The following MTMR11 variants were observed in gnomAD, a reference collection of about 807,000 sequenced individuals.
MTMR11 encodes the protein myotubularin-related protein 11.
In MTMR11, 89 loss-of-function variants were observed where a neutral mutation model predicts 100.0. The ratio of observed to expected loss-of-function variants is 0.89; its 90% CI spans 0.75 to 1.06. The LOEUF is 1.06. Ranked by LOEUF, MTMR11 falls within the 50% of genes least tolerant of loss-of-function variation. The probability of loss-of-function intolerance (pLI) is 0.00; values close to 1 mark genes in which losing one functional copy is unlikely to be tolerated. For missense variants in MTMR11, 809 were observed against 873.7 expected, an observed-to-expected ratio of 0.93 and a Z score of 0.93; for synonymous variants, 336 against 326.3, an observed-to-expected ratio of 1.03 and a Z score of -0.32.
rs1418629546 is a variant in MTMR11 at position 149,931,999 on chromosome 1, C to T, written c.1068G>A (p.Lys356=). 5 of 1,613,700 alleles carry T rather than the reference C, an allele frequency of 3.1e-6. No homozygotes were observed. The highest frequency in any genetic ancestry group is 4.2e-6 in the Non-Finnish European group (5 of 1,179,726). The change falls in exon 12 of 17, where the codon AAG becomes AAA. Residue 356 remains lysine, a synonymous_variant. Transcript: ENST00000439741. ...TCACTAATACTGAAATGTCACTGGC[C>T]TTTCGAAGACAAGCCCTGGAGGAGC... ...WLDYVRACLR[K]ASDISVLVTS...
rs903386420 is a variant in MTMR11 at position 149,935,615 on chromosome 1, G to T, written c.233C>A (p.Thr78Asn). 2 of 1,614,128 alleles carry T rather than the reference G, an allele frequency of 1.2e-6. No homozygotes were observed. The highest frequency in any genetic ancestry group is 2.7e-5 in the African/African-American group (2 of 75,034). ...GTLICTNFRV[T>N]FQPCGWQWNQ... ...CCACTGCCATCCACAGGGCTGGAAG[G>T]TGACCCTAAAGTTGGTACAGATCAG... Residue 78 changes from threonine (T) to asparagine (N), a missense_variant, in exon 3 of 17, where the codon ACC (threonine) becomes AAC (asparagine). By Grantham distance (65) the Thr-to-Asn change is moderately conservative. Transcript: ENST00000439741.
chr1:149,930,156 C>G (rs2092639628), intron 15 of MTMR11: 1 of 681,882 alleles, frequency 1.5e-6, no homozygotes. Context: ...AGTAAACAGA[C>G]TTGAGGAAGG....
intron 2 of MTMR11, 80 bp downstream of exon 2, chr1:149,936,074 G>T (rs1004699713): frequency 2.1e-6 from 3 of 1,428,822 alleles, no homozygotes; most frequent in Non-Finnish European, 3.0e-6. Context: ...GAACACAGGG[G>T]TATCTTTGGT....
At position 149,934,199 on chromosome 1, in the gene MTMR11, T is replaced by C; in HGVS notation, c.675A>G (p.Val225=). Residue 225 remains valine (V), a synonymous_variant, in exon 7 of 17, where the codon GTA becomes GTG. Transcript: ENST00000439741. ...RVSTVNERFD[V]ATSLPRYFWV... ...GTGCACTGGGGGATCACCTGGTGGC[T>C]ACGTCGAACCTCTCGTTGACCGTGC... is the stretch of plus-strand genomic sequence containing the variant. The C allele has an allele frequency of 6.2e-7, 1 of 1,613,976 alleles. No individual in the cohort carries two copies. The highest frequency in any genetic ancestry group is 2.2e-5 in the East Asian group (1 of 44,888).
chr1:149,932,346 A>C lies in MTMR11; in HGVS notation c.986-16T>G. ...ACAGATGAATCTGATAGAGGGTAGA[A>C]AGATCAGAAGGGCAAGAGATTAGAA... On this transcript the variant is annotated splice_polypyrimidine_tract_variant and intron_variant, in intron 10 of 16. Transcript: ENST00000439741. The C allele has an allele frequency of 6.2e-7, 1 of 1,603,404 alleles. No individual in the cohort carries two copies. Among genetic ancestry groups the C allele is most frequent in the Non-Finnish European group, 8.5e-7 (1 of 1,170,548 alleles).
intron 15 of MTMR11, 96 bp from the exon 16 acceptor site, chr1:149,930,012 C>G: frequency 7.8e-7 from 1 of 1,280,398 alleles, no homozygotes; most frequent in Non-Finnish European, 1.1e-6. Context: ...GCCACCCACT[C>G]ACTGCACTGG....
intron 1 of MTMR11, 98 bp downstream of exon 1, chr1:149,936,483 CT>C: frequency 9.0e-7 from 1 of 1,112,534 alleles, no homozygotes; most frequent in Non-Finnish European, 1.3e-6. Flanking sequence ...CAGACACACC[CT>C]CCTCCTCCTC....
rs587606143 is a variant in MTMR11, at chr1:149,936,633, GC to G, written c.14del (p.Gly5AlafsTer48). The G allele has an allele frequency of 6.5e-6, 10 of 1,541,712 alleles. No homozygotes were observed. Among genetic ancestry groups the G allele is most frequent in the African/African-American group, 1.4e-5 (1 of 72,716 alleles). MWWG[G>X]RGQSFNIAPQ... Reference sequence around the variant, plus strand: ...GGGCAATGTTGAAACTCTGGCCCCGGCCCCCCCACCACATTTCTCTGGCTCC... The same window carrying G: ...GGGCAATGTTGAAACTCTGGCCCCGGCCCCCCACCACATTTCTCTGGCTCC... On this transcript the variant is annotated frameshift_variant, in exon 1 of 17. Transcript: ENST00000439741. LOFTEE classifies it high-confidence loss of function.
intron 12 of MTMR11, 99 bp downstream of exon 12, chr1:149,931,845 G>C (rs1362012461): frequency 9.4e-7 from 1 of 1,063,912 alleles, no homozygotes; most frequent in African/African-American, 1.6e-5. Flanking sequence ...AGGAACAGGA[G>C]AGGAAGAAGC....
In MTMR11 at chr1:149,935,310, C is replaced by T. The variant is rs782066768; in HGVS notation, c.314G>A (p.Arg105Gln). The T allele has an allele frequency of 1.4e-5, 22 of 1,612,836 alleles. No homozygotes were observed. The highest frequency in any genetic ancestry group is 2.2e-5 in the East Asian group (1 of 44,552). The change falls in exon 4 of 17, where the codon CGA (arginine) becomes CAA (glutamine). Residue 105 changes from arginine (R) to glutamine (Q), a missense_variant. Coordinates refer to ENST00000439741, the MANE Select transcript of MTMR11 (RefSeq NM_001145862.2). ...CCCCCCCAACTTACCAGCCTCTAATCGTCCAATGTTGACCAGGGCAAAATC... is the reference window on the plus strand; with the variant it reads ...CCCCCCCAACTTACCAGCCTCTAATTGTCCAATGTTGACCAGGGCAAAATC... ...EYDFALVNIG[R>Q]LEAVSGLSRV...
Position 149,929,127 on chromosome 1 carries a change from C to G in MTMR11, c.*2G>C. On this transcript the variant is annotated 3_prime_UTR_variant, in exon 17 of 17. Transcript: ENST00000439741. ...AAAAAAAAGATTAGACAGAACCCTC[C>G]TCTACCCCAGATCCCCCTCTGCCCT... is the stretch of plus-strand genomic sequence containing the variant. 6.2e-7 allele frequency: 1 copy of G among 1,609,612 alleles called. No homozygotes were observed. The highest frequency in any genetic ancestry group is 1.7e-4 in the Middle Eastern group (1 of 6,040).
chr1:149,936,556 A>G (rs2092725133), intron 1 of MTMR11, 26 bp downstream of exon 1: 4 of 1,474,460 alleles, frequency 2.7e-6, no homozygotes. Context: ...CCTCTTGCCG[A>G]CACCCCCCAA....
chr1:149,930,659 G>A (rs587754408), intron 14 of MTMR11, 112 bp from the exon 15 acceptor site: 73 of 1,366,918 alleles, frequency 5.3e-5, no homozygotes, highest in Admixed American at 5.2e-4. Context: ...CAAAAGTCTC[G>A]TCCTGAAAAT....
Position 149,929,262 on chromosome 1 carries a change from T to A in MTMR11, c.1997A>T (p.Gln666Leu), listed in dbSNP as rs781912886. ...SGLQDELSHL[Q>L]ELLRKWTPRI... ...TGGTGTCCATTTCCGTAATAACTCC[T>A]GAAGATGGGATAGCTCATCCTGGAG... The change falls in exon 17 of 17, where the codon CAG (glutamine) becomes CTG (leucine). Residue 666 changes from glutamine to leucine, a missense_variant. Gln to Leu is a moderately radical substitution (Grantham distance 113, BLOSUM62 -2). Transcript: ENST00000439741. 20 of 1,614,164 alleles carry A rather than the reference T, an allele frequency of 1.2e-5. No individual in the cohort carries two copies. Among genetic ancestry groups the A allele is most frequent in the Non-Finnish European group, 1.5e-5 (18 of 1,180,024 alleles).
At chr1:149,935,466 T>G in intron 3 of MTMR11, 107 bp from the exon 4 acceptor site, 1 of 1,572,830 alleles carries the variant, frequency 6.4e-7, no homozygotes, top group Non-Finnish European at 8.7e-7. Context: ...GAGTTCCCAC[T>G]GATTATCAAT....
rs114172447 is a variant in MTMR11, at chr1:149,933,934, C to A, written c.692G>T (p.Arg231Leu). The A allele has an allele frequency of 1.6e-4, 266 of 1,613,832 alleles. 3 individuals carry two copies. The East Asian group carries it at 4.0e-3, about 24-fold the overall frequency. ...ERFDVATSLP[R>L]YFWVPNRILD... ...AATTCGGTTAGGGACCCAGAAGTAA[C>A]GGGGGAGGCTGTGAAATGAGAGTGA... is the stretch of plus-strand genomic sequence containing the variant. The change falls in exon 8 of 17, where the codon CGT becomes CTT. Residue 231 changes from arginine to leucine, a missense_variant. Arg to Leu is a moderately radical substitution (Grantham distance 102). Coordinates refer to ENST00000439741, the MANE Select transcript of MTMR11 (RefSeq NM_001145862.2).
At chr1:149,936,469 T>TGG in intron 1 of MTMR11, 113 bp downstream of exon 1, 1 of 1,306,478 alleles carries the variant, frequency 7.7e-7, no homozygotes, top group Non-Finnish European at 1.0e-6. Flanking sequence ...CAGAAGCTGA[T>TGG]AGACAGACAC....
Position 149,929,220 on chromosome 1 carries a change from T to C in MTMR11, c.2039A>G (p.Asp680Gly). The part of the protein sequence containing the change: ...RKWTPRISPE[D>G]HSKKRDPHTI... ...ATGTGGATCTCTTTTCTTGGAGTGATCCTCAGGAGATATTCTTGGTGTCCA... is the reference window on the plus strand; with the variant it reads ...ATGTGGATCTCTTTTCTTGGAGTGACCCTCAGGAGATATTCTTGGTGTCCA... The change falls in exon 17 of 17, where the codon GAT (aspartate) becomes GGT (glycine). Residue 680 changes from aspartate to glycine, a missense_variant. Transcript: ENST00000439741. 1.2e-6 allele frequency: 2 copies of C among 1,614,090 alleles called. No individual in the cohort carries two copies. Among genetic ancestry groups the C allele is most frequent in the Non-Finnish European group, 1.7e-6 (2 of 1,179,980 alleles).
intron 14 of MTMR11, 42 bp from the exon 15 acceptor site, chr1:149,930,589 C>T (rs2092645344): frequency 1.3e-6 from 2 of 1,529,800 alleles, no homozygotes; most frequent in African/African-American, 2.8e-5. Context: ...ACACACAATC[C>T]TCCCACATCT....
Sources: gnomAD v4.1 joint callset for allele counts on GRCh38, gnomAD v4.1.1 for gene constraint, MANE v1.5 for transcripts, NCBI Gene and HGNC (gene_info 2026-07-23, HGNC 2026-07-21) for gene names.